KIRREL1: variants seen among roughly 807,000 people sequenced by gnomAD.
KIRREL1 encodes the protein kirre like nephrin family adhesion molecule 1.
In KIRREL1, 25 loss-of-function variants were observed where a neutral mutation model predicts 83.3. That is an observed-to-expected ratio of 0.30 (90% CI 0.22 to 0.42). The LOEUF (loss-of-function observed/expected upper bound fraction) is 0.42, where lower values mean the gene tolerates loss of function less well. Among genes scored for constraint, KIRREL1 ranks in the 10% least tolerant of loss-of-function variants. KIRREL1 has a pLI of 1.00. For missense variants in KIRREL1, 812 were observed against 1,032.3 expected (o/e 0.79, Z 2.92); for synonymous variants, 388 against 410.4 (o/e 0.95, Z 0.66).
intron 3 of KIRREL1, among the ~76,000 whole-genome samples, chr1:158,078,544 G>T (rs1311612372): frequency 6.6e-6 from 1 of 152,124 alleles, no homozygotes; most frequent in Non-Finnish European, 1.5e-5. Context: ...CCTCTCAGCT[G>T]CCTCGGAGAC....
chr1:158,093,128 G>A (rs191748213), intron 11 of KIRREL1, among the ~76,000 whole-genome samples: 1 of 152,208 alleles, frequency 6.6e-6, no homozygotes, highest in Non-Finnish European at 1.5e-5. Flanking sequence ...TGGAGCTGGA[G>A]CACAGACCAA....
intron 5 of KIRREL1, among the ~76,000 whole-genome samples, chr1:158,087,149 C>A (rs1018409600): frequency 6.6e-6 from 1 of 152,178 alleles, no homozygotes; most frequent in Non-Finnish European, 1.5e-5. Flanking sequence ...AGTTTCACTG[C>A]AGATGTATTC....
At position 158,096,666 on chromosome 1, in the gene KIRREL1, AACAC is replaced by A; in HGVS notation, c.*1551_*1554del. The A allele has an allele frequency of 2.2e-6, 1 of 456,722 alleles. No individual in the cohort carries two copies. The highest frequency in any genetic ancestry group is 4.4e-6 in the Non-Finnish European group (1 of 226,958). 28.3% of individuals were successfully genotyped at this position (456,722 alleles called of 1,614,324 possible). A position where few individuals can be genotyped will look rare whatever the true frequency, so the allele number is the denominator to read the frequency against. On this transcript the variant is annotated 3_prime_UTR_variant, in exon 15 of 15. Coordinates refer to ENST00000359209, the MANE Select transcript of KIRREL1 (RefSeq NM_018240.7). ...TCCTCCTCCATGTGCACGCACATCC[AACAC>A]ACACCTTCCATGTGACTGCTTCTCA...
chr1:158,033,272 A>G (rs1466691881), intron 1 of KIRREL1, among the ~76,000 whole-genome samples: 2 of 152,032 alleles, frequency 1.3e-5, no homozygotes. Flanking sequence ...GGGTTTCACC[A>G]TGTTGACCAG....
intron 1 of KIRREL1, among the ~76,000 whole-genome samples, chr1:158,008,510 GA>G (rs1168066881): frequency 2.0e-5 from 3 of 152,168 alleles, no homozygotes; most frequent in African/African-American, 7.2e-5. Context: ...CGTGTGCTGG[GA>G]AGTCGAGAAT....
chr1:158,039,084 A>G (rs753854564), intron 1 of KIRREL1, among the ~76,000 whole-genome samples: 13 of 152,140 alleles, frequency 8.5e-5, no homozygotes, highest in Non-Finnish European at 1.8e-4. Context: ...TCTGATTGAG[A>G]GGAAGGTTGG....
intron 1 of KIRREL1, among the ~76,000 whole-genome samples, chr1:158,015,079 T>C (rs2224932): frequency 0.93 from 142,125 of 152,164 alleles, 66,578 homozygotes; most frequent in Non-Finnish European, 0.97. Flanking sequence ...CAAAGTACTC[T>C]TTTGTTTTTT....
intron 1 of KIRREL1, among the ~76,000 whole-genome samples, chr1:158,051,045 A>G (rs1660896863): frequency 6.6e-6 from 1 of 152,224 alleles, no homozygotes; most frequent in Admixed American, 6.5e-5. Context: ...GAGAAAAGAC[A>G]TCTGTCCACT....
At chr1:157,999,184 TC>T (rs2101618267) in intron 1 of KIRREL1, among the ~76,000 whole-genome samples, 1 of 152,258 alleles carries the variant, frequency 6.6e-6, no homozygotes, top group Admixed American at 6.5e-5. Flanking sequence ...CAAGGACACA[TC>T]TATCTCCCTG....
At chr1:158,045,182 G>A (rs541968197) in intron 1 of KIRREL1, among the ~76,000 whole-genome samples, 27 of 152,162 alleles carry the variant, frequency 1.8e-4, no homozygotes, top group Non-Finnish European at 3.4e-4. Flanking sequence ...ATAGAAGTGA[G>A]GAGTGTGCCT....
chr1:157,993,898 G>A (rs1053127048), intron 1 of KIRREL1, among the ~76,000 whole-genome samples, 170 bp downstream of exon 1: 1 of 151,934 alleles, frequency 6.6e-6, no homozygotes, highest in South Asian at 2.1e-4. Flanking sequence ...GAGGGGGCGC[G>A]GAGTAACGAG....
chr1:157,996,892 C>CAGG lies in KIRREL1; in HGVS notation c.52+3180_52+3182dup, dbSNP rs553767434. Among the ~76,000 whole-genome samples, 451 of 152,016 alleles carry CAGG rather than the reference C, an allele frequency of 3.0e-3. 1 individual carries two copies. The highest frequency in any genetic ancestry group is 0.01 in the African/African-American group (432 of 41,494). ...AGCCCTGGGCCCCAGAGCACCTGGT[C>CAGG]AGGAGGAGGAGGAGGAGGCATCCAG... On this transcript the variant is annotated intron_variant, in intron 1 of 14. Transcript: ENST00000359209.
At chr1:158,022,000 T>C (rs1330527108) in intron 1 of KIRREL1, among the ~76,000 whole-genome samples, 3 of 151,530 alleles carry the variant, frequency 2.0e-5, no homozygotes, top group Non-Finnish European at 4.4e-5. Flanking sequence ...GCATGGATTG[T>C]AAGGGGAGAA....
At chr1:158,080,172 T>G (rs566865227) in intron 3 of KIRREL1, among the ~76,000 whole-genome samples, 1 of 152,270 alleles carries the variant, frequency 6.6e-6, no homozygotes, top group African/African-American at 2.4e-5. Context: ...CTTCTTTCTT[T>G]TTTCCTCCCT....
chr1:158,037,994 C>T lies in KIRREL1; in HGVS notation c.53-38119C>T, dbSNP rs116370181. Among the ~76,000 whole-genome samples, 1,087 of 152,342 alleles carry T rather than the reference C, an allele frequency of 7.1e-3. 12 individuals are homozygous for T. The highest frequency in any genetic ancestry group is 0.025 in the African/African-American group (1,031 of 41,570). ...CCCCAGGCCCAGTGTCAGCTAGACT[C>T]GGGGCAGGACCAGCCTGCCAGCGGC... is the stretch of plus-strand genomic sequence containing the variant. On this transcript the variant is annotated intron_variant, in intron 1 of 14. Coordinates refer to ENST00000359209, the MANE Select transcript of KIRREL1 (RefSeq NM_018240.7).
chr1:158,013,220 T>C (rs907055716), intron 1 of KIRREL1, among the ~76,000 whole-genome samples: 3 of 152,212 alleles, frequency 2.0e-5, no homozygotes, highest in African/African-American at 7.2e-5. Flanking sequence ...TAAAGTATTT[T>C]GTCTTCTAGC....
chr1:158,017,853 A>C, intron 1 of KIRREL1, among the ~76,000 whole-genome samples: 1 of 150,946 alleles, frequency 6.6e-6, no homozygotes, highest in East Asian at 1.9e-4. Context: ...TTAGAAGACA[A>C]AAGATCCTTC....
chr1:158,079,354 C>CT (rs1202843284), intron 3 of KIRREL1, among the ~76,000 whole-genome samples: 1 of 152,186 alleles, frequency 6.6e-6, no homozygotes, highest in Non-Finnish European at 1.5e-5. Context: ...GACAGAGTCT[C>CT]TGTCACCCAG....
chr1:158,080,663 G>A (rs1468946891), intron 3 of KIRREL1, among the ~76,000 whole-genome samples: 2 of 152,166 alleles, frequency 1.3e-5, no homozygotes, highest in East Asian at 1.9e-4. Context: ...CCTGGGCATG[G>A]TGTCTCCTCG....
Sources: allele counts gnomAD v4.1 joint callset (sites outside exome capture counted in the v4.1 genomes callset), GRCh38; gene constraint gnomAD v4.1.1; transcripts MANE v1.5; gene names NCBI Gene and HGNC (gene_info 2026-07-23, HGNC 2026-07-21).